Variants in EXTL3 observed in about 807,000 individuals in gnomAD.
EXTL3 encodes the protein exostosin-like 3.
In EXTL3, 27 loss-of-function variants were observed where a neutral mutation model predicts 69.3. The observed-to-expected ratio is 0.39, with a 90% CI of 0.29 to 0.54. EXTL3 has a LOEUF of 0.54. Among genes scored for constraint, EXTL3 ranks in the 20% least tolerant of loss-of-function variants. EXTL3 has a pLI of 0.69. For synonymous variants in EXTL3, 511 were observed against 499.4 expected (o/e 1.02, Z -0.31); for missense variants, 1,003 against 1,231.8 (o/e 0.81, Z 2.78).
At chr8:28,607,913 C>T (rs1806217895) in intron 2 of EXTL3, among the ~76,000 whole-genome samples, 1 of 151,910 alleles carries the variant, frequency 6.6e-6, no homozygotes, top group African/African-American at 2.4e-5. Flanking sequence ...GAGATCGAGA[C>T]CATCCTGGCT....
At chr8:28,676,297 T>C (rs1400774557) in intron 1 of EXTL3, among the ~76,000 whole-genome samples, 2 of 152,190 alleles carry the variant, frequency 1.3e-5, no homozygotes, top group Non-Finnish European at 2.9e-5. Context: ...CCTGGCATCC[T>C]TGAAGAGCTC....
In EXTL3 at chr8:28,705,851, C is replaced by G. The variant is rs551407941; in HGVS notation, c.-570+4192C>G. On this transcript the variant is annotated intron_variant, in intron 1 of 6. Transcript: ENST00000220562. Reference sequence around the variant, plus strand: ...CCCAGCCCTTATGAAAATGACGCATCTCATTTTAGGAGGGAGAGTGAGAAA... The same window carrying G: ...CCCAGCCCTTATGAAAATGACGCATGTCATTTTAGGAGGGAGAGTGAGAAA... Among the ~76,000 whole-genome samples the G allele has an allele frequency of 3.3e-5, 5 of 152,298 alleles. No homozygotes were observed. The South Asian group carries it at 1.0e-3, about 32-fold the overall frequency.
rs943982928 is a variant in EXTL3, at chr8:28,755,018, G to C, written c.*4152G>C. ...TTGGGCTGCCCATCACACTGGTGGAGAGCAAGTTATCTATTACTATTTTAG... is the reference window on the plus strand; with the variant it reads ...TTGGGCTGCCCATCACACTGGTGGACAGCAAGTTATCTATTACTATTTTAG... On this transcript the variant is annotated 3_prime_UTR_variant, in exon 7 of 7. Coordinates refer to ENST00000220562, the MANE Select transcript of EXTL3 (RefSeq NM_001440.4). 1 of 152,144 alleles carries C rather than the reference G, an allele frequency of 6.6e-6. No individual in the cohort carries two copies. Among genetic ancestry groups the C allele is most frequent in the African/African-American group, 2.4e-5 (1 of 41,426 alleles). 9.4% of individuals were successfully genotyped at this position (152,144 alleles called of 1,614,324 possible). A position where few individuals can be genotyped will look rare whatever the true frequency, so the allele number is the denominator to read the frequency against.
intron 1 of EXTL3, among the ~76,000 whole-genome samples, chr8:28,683,507 A>T (rs1395915482): frequency 1.3e-5 from 2 of 152,152 alleles, no homozygotes; most frequent in African/African-American, 2.4e-5. Context: ...TAGTTATTTT[A>T]AAATGTACAA....
upstream of EXTL3, chr8:28,701,150 C>T (rs963562931): frequency 3.3e-5 from 5 of 152,266 alleles, no homozygotes; most frequent in African/African-American, 9.6e-5. Flanking sequence ...TTGACTTTCC[C>T]GGGGCCGGCG....
At chr8:28,731,115 A>C (rs890076582) in intron 3 of EXTL3, 108 bp from the exon 4 acceptor site, 1 of 1,446,170 alleles carries the variant, frequency 6.9e-7, no homozygotes, top group Non-Finnish European at 9.7e-7. Context: ...AGATCAGGCA[A>C]AATTATTCAG....
intron 5 of EXTL3, chr8:28,740,737 A>G (rs1392562071): frequency 6.6e-6 from 1 of 152,072 alleles, no homozygotes; most frequent in African/African-American, 2.4e-5. Flanking sequence ...CCTAATATAT[A>G]TGTATATTTA....
rs1424130622 is a variant in EXTL3 at position 28,751,934 on chromosome 8, C to T, written c.*1068C>T. 3.3e-5 allele frequency: 5 copies of T among 152,282 alleles called. No individual in the cohort carries two copies. Among genetic ancestry groups the T allele is most frequent in the Non-Finnish European group, 7.3e-5 (5 of 68,158 alleles). 9.4% of individuals were successfully genotyped at this position (152,282 alleles called of 1,614,324 possible). On this transcript the variant is annotated 3_prime_UTR_variant, in exon 7 of 7. Transcript: ENST00000220562. Reference sequence around the variant, plus strand: ...GCAAGCCAGTGTCCTTCGAGGAACCCACCCGGCTGGCCGGGAAGTTTTACA... The same window carrying T: ...GCAAGCCAGTGTCCTTCGAGGAACCTACCCGGCTGGCCGGGAAGTTTTACA...
chr8:28,617,401 T>C (rs1806343592), intron 2 of EXTL3, among the ~76,000 whole-genome samples: 1 of 152,182 alleles, frequency 6.6e-6, no homozygotes, highest in Admixed American at 6.6e-5. Context: ...CAAGTGTTCA[T>C]CAAATGAATA....
upstream of EXTL3, among the ~76,000 whole-genome samples, chr8:28,617,947 A>C (rs1806349163): frequency 6.6e-6 from 1 of 152,236 alleles, no homozygotes; most frequent in Non-Finnish European, 1.5e-5. Context: ...ATGGAAATTC[A>C]TAGAGACAGA....
chr8:28,716,732 A>C lies in EXTL3; in HGVS notation c.673A>C (p.Asn225His). Residue 225 changes from asparagine to histidine, a missense_variant, in exon 3 of 7, where the codon AAC becomes CAC. By Grantham distance (68) the Asn-to-His change is moderately conservative (BLOSUM62 1). Around this residue, in one of 2 missense-constraint regions of EXTL3, gnomAD observed 742 missense variants for 815.4 expected, o/e 0.91. Coordinates refer to ENST00000220562, the MANE Select transcript of EXTL3 (RefSeq NM_001440.4). This position sits in a 1 kb window ranked among gnomAD's most constrained non-coding sequence, Gnocchi z 7.1. ...KQAFQATARANVYVTENADIA... is the reference protein window; with the variant it reads ...KQAFQATARAHVYVTENADIA... ...GGCTTTTCAGGCGACAGCACGAGCTAACGTTTATGTTACAGAAAATGCAGA... is the reference window on the plus strand; with the variant it reads ...GGCTTTTCAGGCGACAGCACGAGCTCACGTTTATGTTACAGAAAATGCAGA... 7 of 1,614,224 alleles carry C rather than the reference A, an allele frequency of 4.3e-6. No individual in the cohort carries two copies. Among genetic ancestry groups the C allele is most frequent in the Non-Finnish European group, 5.9e-6 (7 of 1,180,040 alleles).
intron 2 of EXTL3, among the ~76,000 whole-genome samples, chr8:28,614,880 C>T (rs904891187): frequency 6.6e-6 from 1 of 152,108 alleles, no homozygotes; most frequent in Non-Finnish European, 1.5e-5. Context: ...TAAATGTGTG[C>T]CATGGTGGTT....
intron 4 of EXTL3, among the ~76,000 whole-genome samples, chr8:28,732,600 CTA>C (rs569240703): frequency 1.3e-5 from 2 of 152,338 alleles, no homozygotes; most frequent in South Asian, 4.1e-4. Flanking sequence ...CTTTGCATCT[CTA>C]TAGATTTGCC....
In EXTL3 at chr8:28,649,809, T is replaced by G. The variant is rs1041505614; in HGVS notation, c.-53+26999T>G. On this transcript the variant is annotated intron_variant, in intron 1 of 6. Coordinates refer to the EXTL3 transcript ENST00000523149. Reference sequence around the variant, plus strand: ...AAATTCTTCCTCTTCTCCCAAATCATGTATACATTATTCTATGTTTTCTTT... The same window carrying G: ...AAATTCTTCCTCTTCTCCCAAATCAGGTATACATTATTCTATGTTTTCTTT... 5.9e-5 allele frequency among the ~76,000 whole-genome samples: 9 copies of G among 152,178 alleles called. 1 individual carries two copies. The highest frequency in any genetic ancestry group is 4.8e-5 in the African/African-American group (2 of 41,436).
At chr8:28,611,333 G>T (rs927968789) in intron 2 of EXTL3, among the ~76,000 whole-genome samples, 2 of 151,986 alleles carry the variant, frequency 1.3e-5, no homozygotes, top group Admixed American at 6.6e-5. Flanking sequence ...CACGCCTGTA[G>T]TCCCAGCTCC....
Position 28,750,748 on chromosome 8 carries a change from A to C in EXTL3, c.2642A>C (p.Asn881Thr), listed in dbSNP as rs748576591. Residue 881 changes from asparagine (N) to threonine (T), a missense_variant, in exon 7 of 7, where the codon AAC (asparagine) becomes ACC (threonine). By Grantham distance (65) the Asn-to-Thr change is moderately conservative (BLOSUM62 0). Transcript: ENST00000220562. The surrounding 1 kb of genome is among the most constrained non-coding windows in gnomAD (Gnocchi z 5.2). Reference sequence around the variant, plus strand: ...TTCCACGAGCGGCACAAGTGCATCAACTTCTTCGTGAAGGTGTACGGCTAC... The same window carrying C: ...TTCCACGAGCGGCACAAGTGCATCACCTTCTTCGTGAAGGTGTACGGCTAC... ...SHFHERHKCI[N>T]FFVKVYGYMP... is the part of the protein sequence containing the mutation. 5.6e-6 allele frequency: 9 copies of C among 1,614,164 alleles called. No homozygotes were observed. Among genetic ancestry groups the C allele is most frequent in the Non-Finnish European group, 7.6e-6 (9 of 1,180,012 alleles).
chr8:28,666,794 C>T (rs1452219307), intron 1 of EXTL3, among the ~76,000 whole-genome samples: 1 of 152,132 alleles, frequency 6.6e-6, no homozygotes, highest in Non-Finnish European at 1.5e-5. Flanking sequence ...AGGCTGGTCT[C>T]GAACTCCTGA....
chr8:28,737,723 G>GCATTCCGCTACCA, intron 5 of EXTL3, 60 bp downstream of exon 5: 3 of 1,560,236 alleles, frequency 1.9e-6, no homozygotes, highest in Non-Finnish European at 2.7e-6. Context: ...TTGTGTGGTA[G>GCATTCCGCTACCA]CGGAATGCTG....
chr8:28,612,805 A>G (rs1310851677), intron 2 of EXTL3, among the ~76,000 whole-genome samples: 1 of 152,008 alleles, frequency 6.6e-6, no homozygotes, highest in Admixed American at 6.6e-5. Flanking sequence ...TGCATCCGCA[A>G]CCTCCCAGGC....
Sources: allele counts gnomAD v4.1 joint callset (sites outside exome capture counted in the v4.1 genomes callset), GRCh38; gene constraint gnomAD v4.1.1; regional missense constraint gnomAD v4.1.1; non-coding constraint Gnocchi (gnomAD v3.1); transcripts MANE v1.5; gene names NCBI Gene and HGNC (gene_info 2026-07-23, HGNC 2026-07-21).